Variants in DAB2IP observed in about 807,000 individuals in gnomAD.
The protein encoded by DAB2IP is disabled homolog 2-interacting protein.
In DAB2IP, 28 loss-of-function variants were observed where a neutral mutation model predicts 107.2. The observed-to-expected ratio is 0.26, with a 90% CI of 0.19 to 0.36. The LOEUF is 0.36. Ranked by LOEUF, DAB2IP falls within the 10% of genes least tolerant of loss-of-function variation. DAB2IP has a pLI of 1.00. For missense variants in DAB2IP, 1,400 were observed against 1,644.7 expected (o/e 0.85, Z 2.57); for synonymous variants, 755 against 706.4 (o/e 1.07, Z -1.09).
intron 1 of DAB2IP, among the ~76,000 whole-genome samples, chr9:121,577,674 C>T (rs1474837060): frequency 6.6e-6 from 1 of 152,180 alleles, no homozygotes; most frequent in African/African-American, 2.4e-5. Flanking sequence ...GACCCTCTCT[C>T]TCTCCTCCCA....
chr9:121,570,546 A>G (rs1380003472), intron 1 of DAB2IP, among the ~76,000 whole-genome samples: 1 of 151,732 alleles, frequency 6.6e-6, no homozygotes, highest in Non-Finnish European at 1.5e-5. Context: ...TGTTCAGTCC[A>G]CAACACCCTC....
chr9:121,687,766 G>A (rs541806805), intron 2 of DAB2IP, among the ~76,000 whole-genome samples: 1 of 152,354 alleles, frequency 6.6e-6, no homozygotes, highest in East Asian at 1.9e-4. Flanking sequence ...AATCAAGGCA[G>A]ATGGGGAGTG....
intron 1 of DAB2IP, among the ~76,000 whole-genome samples, chr9:121,624,503 A>ATATT (rs1452638730): frequency 6.6e-6 from 1 of 152,224 alleles, no homozygotes; most frequent in Non-Finnish European, 1.5e-5. Flanking sequence ...CCACATAATG[A>ATATT]TATTTCGGTC....
At chr9:121,649,915 C>A (rs977478779), upstream of DAB2IP, among the ~76,000 whole-genome samples, 6 of 152,248 alleles carry the variant, frequency 3.9e-5, no homozygotes, top group Non-Finnish European at 7.3e-5. Context: ...CTGCAGCCTA[C>A]CGGCTGCATG....
At chr9:121,639,964 C>T (rs892136850) in intron 1 of DAB2IP, among the ~76,000 whole-genome samples, 9 of 152,176 alleles carry the variant, frequency 5.9e-5, no homozygotes, top group Non-Finnish European at 1.5e-5. Flanking sequence ...CACTTTAACC[C>T]ACATCCCAGG....
intron 1 of DAB2IP, among the ~76,000 whole-genome samples, chr9:121,632,045 G>A (rs888261234): frequency 1.3e-5 from 2 of 152,046 alleles, no homozygotes; most frequent in Non-Finnish European, 1.5e-5. Context: ...CAGGGTCCTC[G>A]TGGGGAGAGA....
intron 1 of DAB2IP, among the ~76,000 whole-genome samples, chr9:121,624,972 C>G (rs1315257956): frequency 6.6e-6 from 1 of 152,136 alleles, no homozygotes; most frequent in East Asian, 1.9e-4. Context: ...CTTCCTGGGC[C>G]GGGATCTCGG....
At position 121,697,005 on chromosome 9, in the gene DAB2IP, T is replaced by G. The variant is rs550559795; in HGVS notation, c.229-2320T>G. On this transcript the variant is annotated intron_variant, in intron 2 of 15. Coordinates refer to ENST00000408936, the Ensembl canonical transcript of DAB2IP. ...TAGCACATAATGGCTCTCATTAAGG[T>G]GAAAGAGTGAATATGACAGGGTATT... Among the ~76,000 whole-genome samples the G allele has an allele frequency of 9.2e-4, 140 of 152,220 alleles. 1 individual carries two copies. Among genetic ancestry groups the G allele is most frequent in the Middle Eastern group, 3.4e-3 (1 of 294 alleles).
upstream of DAB2IP, among the ~76,000 whole-genome samples, chr9:121,650,653 C>A (rs1463720880): frequency 6.6e-6 from 1 of 152,190 alleles, no homozygotes; most frequent in East Asian, 1.9e-4. Flanking sequence ...GCAGCTCAGG[C>A]AGGTGTCTTA....
chr9:121,676,390 G>A (rs1021238223), intron 1 of DAB2IP, among the ~76,000 whole-genome samples: 1 of 152,208 alleles, frequency 6.6e-6, no homozygotes, highest in Non-Finnish European at 1.5e-5. Context: ...GGGTGGGTCT[G>A]GGAGTGTACA....
chr9:121,571,573 T>C (rs1171134705), intron 1 of DAB2IP, among the ~76,000 whole-genome samples: 1 of 151,910 alleles, frequency 6.6e-6, no homozygotes, highest in Admixed American at 6.6e-5. Context: ...AAGCTGGGGG[T>C]GAGGCTCTGG....
chr9:121,589,482 C>A (rs1830379618), intron 1 of DAB2IP, among the ~76,000 whole-genome samples: 3 of 152,134 alleles, frequency 2.0e-5, no homozygotes, highest in South Asian at 4.1e-4. Flanking sequence ...TCCTTGGAAG[C>A]CTTTCCTGGA....
rs755844228 is a variant in DAB2IP, at chr9:121,776,302, G to A, written c.3225G>A (p.Leu1075=). The change falls in exon 14 of 16, where the codon CTG becomes CTA. Residue 1075 remains leucine (L), a synonymous_variant. Coordinates refer to ENST00000408936, the Ensembl canonical transcript of DAB2IP. The surrounding 1 kb of genome is among the most constrained non-coding windows in gnomAD (Gnocchi z 5.4). ...AGGAGACGACGCAGAAGCTGGTGCTGGAGTACCAGGCACGGCTGGAGGAGG... is the reference window on the plus strand; with the variant it reads ...AGGAGACGACGCAGAAGCTGGTGCTAGAGTACCAGGCACGGCTGGAGGAGG... The A allele has an allele frequency of 4.5e-6, 7 of 1,572,978 alleles. No homozygotes were observed. In the South Asian group the frequency reaches 7.0e-5, roughly 16 times the overall value.
At chr9:121,717,595 T>C (rs1269136004) in intron 3 of DAB2IP, among the ~76,000 whole-genome samples, 1 of 152,238 alleles carries the variant, frequency 6.6e-6, no homozygotes, top group Non-Finnish European at 1.5e-5. Context: ...CTGGGCATTC[T>C]GACCTGCCCC....
chr9:121,650,652 G>C (rs1205730676), upstream of DAB2IP, among the ~76,000 whole-genome samples: 1 of 152,218 alleles, frequency 6.6e-6, no homozygotes, highest in Non-Finnish European at 1.5e-5. Flanking sequence ...GGCAGCTCAG[G>C]CAGGTGTCTT....
chr9:121,574,966 A>G (rs868592249), intron 1 of DAB2IP: 19 of 152,424 alleles, frequency 1.2e-4, no homozygotes, highest in Admixed American at 5.2e-4. Context: ...ATTTCCACAC[A>G]CAAGCCTGAG....
At chr9:121,773,441 C>T (rs147942555) in exon 12 of DAB2IP, 7 of 1,545,904 alleles carry the variant, frequency 4.5e-6, no homozygotes, top group Non-Finnish European at 6.1e-6. Context: ...GGCAGCAGTC[C>T]TCTTCCTCCA....
intron 3 of DAB2IP, among the ~76,000 whole-genome samples, chr9:121,741,083 G>A (rs1014696096): frequency 6.6e-6 from 1 of 152,130 alleles, no homozygotes; most frequent in Non-Finnish European, 1.5e-5. Context: ...GGGCTCCAAG[G>A]CATTCCTTCT....
chr9:121,692,072 C>A (rs1314968557), intron 2 of DAB2IP, among the ~76,000 whole-genome samples: 1 of 152,188 alleles, frequency 6.6e-6, no homozygotes, highest in Non-Finnish European at 1.5e-5. Flanking sequence ...GTCCTGAGAT[C>A]TGGGCTCCTA....
Sources: gnomAD v4.1 joint callset for allele counts (sites outside exome capture counted in the v4.1 genomes callset) on GRCh38, gnomAD v4.1.1 for gene constraint, Gnocchi (gnomAD v3.1) non-coding constraint, MANE v1.5 for transcripts, NCBI Gene and HGNC (gene_info 2026-07-23, HGNC 2026-07-21) for gene names.